Variants in FAT3 observed in about 807,000 individuals in gnomAD.
FAT3 encodes FAT atypical cadherin 3.
In FAT3, 95 loss-of-function variants were observed where a neutral mutation model predicts 310.2. That is an observed-to-expected ratio of 0.31 (90% CI 0.26 to 0.36). The LOEUF (loss-of-function observed/expected upper bound fraction) is 0.36. Among genes scored for constraint, FAT3 ranks in the 10% least tolerant of loss-of-function variants. The pLI is 1.00. For missense variants in FAT3, 5,408 were observed against 5,715.6 expected (o/e 0.95, Z 1.74); for synonymous variants, 2,314 against 2,192.9 (o/e 1.06, Z -1.54).
Position 92,893,705 on chromosome 11 carries a change from T to C in FAT3, c.*2592T>C, listed in dbSNP as rs528045298. On this transcript the variant is annotated 3_prime_UTR_variant, in exon 28 of 28. Transcript: ENST00000525166. The stretch of plus-strand genomic sequence containing the variant: ...CCCCTGATTTTCTGCAGAATAGCTC[T>C]GCAGCTAAATATATACCAGGCAAGC... 4 of 152,382 alleles carry C rather than the reference T, an allele frequency of 2.6e-5. No homozygotes were observed. The highest frequency in any genetic ancestry group is 7.2e-5 in the African/African-American group (3 of 41,602). The allele number at this position is 152,382 out of a possible 1,614,324, so 9.4% of individuals were successfully genotyped here.
Position 92,353,388 on chromosome 11 carries a change from T to G in FAT3, c.1276T>G (p.Ser426Ala). Residue 426 changes from serine (S) to alanine (A), a missense_variant, in exon 2 of 28, where the codon TCG (serine) becomes GCG (alanine). Ser to Ala is a moderately conservative substitution (Grantham distance 99, BLOSUM62 1). Coordinates refer to ENST00000525166, the MANE Select transcript of FAT3 (RefSeq NM_001367949.2). ...AGTGTACTTTAAAATTAATCCTCGG[T>G]CGGGTCTGATTGTTACAGCACGGCC... ...DAVYFKINPR[S>A]GLIVTARPLN... is the part of the protein sequence containing the mutation. 6.2e-7 allele frequency: 1 copy of G among 1,613,388 alleles called. No homozygotes were observed. The highest frequency in any genetic ancestry group is 8.5e-7 in the Non-Finnish European group (1 of 1,179,730).
At chr11:92,427,702 C>T (rs540485676) in intron 2 of FAT3, among the ~76,000 whole-genome samples, 6 of 152,170 alleles carry the variant, frequency 3.9e-5, no homozygotes, top group Non-Finnish European at 8.8e-5. Context: ...ACTAGCCTTG[C>T]ATCCCAGGGA....
chr11:92,345,428 G>C (rs529558201), intron 1 of FAT3, among the ~76,000 whole-genome samples: 1 of 152,178 alleles, frequency 6.6e-6, no homozygotes, highest in African/African-American at 2.4e-5. Flanking sequence ...ATTTAGAGCA[G>C]TGGTTCTCAA....
At position 92,800,117 on chromosome 11, in the gene FAT3, T is replaced by C. The variant is rs2136185110; in HGVS notation, c.7104T>C (p.Asp2368=). The part of the protein sequence containing the change: ...QHCTLKVRSI[D]SGFPSLSSEV... ...GCACTTTGAAAGTCAGATCAATAGA[T>C]AGTGGCTTCCCATCACTGAGCAGTG... is the stretch of plus-strand genomic sequence containing the variant. The change falls in exon 10 of 28, where the codon GAT becomes GAC. Residue 2368 remains aspartate (D), a synonymous_variant. Transcript: ENST00000525166. 3.7e-6 allele frequency: 6 copies of C among 1,613,958 alleles called. No individual in the cohort carries two copies. The East Asian group carries it at 8.9e-5, about 24-fold the overall frequency.
chr11:92,371,457 C>T (rs879385058), intron 2 of FAT3, among the ~76,000 whole-genome samples: 1 of 152,186 alleles, frequency 6.6e-6, no homozygotes, highest in Non-Finnish European at 1.5e-5. Flanking sequence ...TGGCTTATGC[C>T]TATAATCCCA....
chr11:92,766,369 G>A (rs1003166498), intron 6 of FAT3, among the ~76,000 whole-genome samples: 2 of 152,184 alleles, frequency 1.3e-5, no homozygotes, highest in Non-Finnish European at 1.5e-5. Context: ...CGGTCTGGGG[G>A]AATCATTTCC....
chr11:92,649,871 GTTCATATA>G lies in FAT3; in HGVS notation c.3608-47511_3608-47504del, dbSNP rs1322175087. 4.5e-3 allele frequency among the ~76,000 whole-genome samples: 512 copies of G among 114,070 alleles called. 11 individuals carry two copies. The highest frequency in any genetic ancestry group is 9.9e-3 in the African/African-American group (296 of 29,800). The allele number at this position is 114,070 out of a possible 152,430, so 74.8% of individuals were successfully genotyped here. A position where few individuals can be genotyped will look rare whatever the true frequency, so the allele number is the denominator to read the frequency against. ...CATTTGTTAAACACCCACTTTGTAT[GTTCATATA>G]TATATATATATATATATATATATAT... On this transcript the variant is annotated intron_variant, in intron 3 of 27. Transcript: ENST00000525166.
chr11:92,553,107 CAA>C (rs368433736), intron 3 of FAT3, among the ~76,000 whole-genome samples: 1 of 151,850 alleles, frequency 6.6e-6, no homozygotes, highest in Non-Finnish European at 1.5e-5. Context: ...ATTCCTAAGC[CAA>C]AAAAACAAAA....
chr11:92,560,191 G>T (rs953260262), intron 3 of FAT3, among the ~76,000 whole-genome samples: 2 of 152,064 alleles, frequency 1.3e-5, no homozygotes, highest in African/African-American at 4.8e-5. Context: ...ATTTACATTT[G>T]CCTAATGGCC....
In FAT3 at chr11:92,411,118, A is replaced by AT. The variant is rs1555037776; in HGVS notation, c.3292+55715dup. Among the ~76,000 whole-genome samples the AT allele has an allele frequency of 7.4e-4, 103 of 139,736 alleles. No homozygotes were observed. The East Asian group carries it at 0.013, about 18-fold the overall frequency. 91.7% of individuals were successfully genotyped at this position (139,736 alleles called of 152,430 possible). ...ATATATATTATATATAAAAATATATATATTTATATATTATATATTATATAT... is the reference window on the plus strand; with the variant it reads ...ATATATATTATATATAAAAATATATATTATTTATATATTATATATTATATAT... On this transcript the variant is annotated intron_variant, in intron 2 of 27. Transcript: ENST00000525166.
chr11:92,790,714 A>G (rs1174666969), intron 8 of FAT3, among the ~76,000 whole-genome samples: 2 of 152,188 alleles, frequency 1.3e-5, no homozygotes, highest in Admixed American at 1.3e-4. Context: ...ATCTCAATAC[A>G]TGCTCAAGCC....
At chr11:92,867,362 G>A (rs910334109) in intron 22 of FAT3, among the ~76,000 whole-genome samples, 153 bp downstream of exon 22, 3 of 152,220 alleles carry the variant, frequency 2.0e-5, no homozygotes, top group Non-Finnish European at 4.4e-5. Flanking sequence ...CTGCTTTAGG[G>A]AAGTCTCAGC....
At chr11:92,882,210 G>T (rs1474041808) in intron 23 of FAT3, among the ~76,000 whole-genome samples, 1 of 152,120 alleles carries the variant, frequency 6.6e-6, no homozygotes, top group Non-Finnish European at 1.5e-5. Context: ...CATTTAGTGT[G>T]AATATCCATA....
At chr11:92,573,079 A>G (rs755385467) in intron 3 of FAT3, among the ~76,000 whole-genome samples, 2 of 152,190 alleles carry the variant, frequency 1.3e-5, no homozygotes, top group Non-Finnish European at 2.9e-5. Flanking sequence ...TGCAACTTCA[A>G]CTGTGTTAAT....
chr11:92,356,628 T>C (rs987276741), intron 2 of FAT3, among the ~76,000 whole-genome samples: 2 of 152,120 alleles, frequency 1.3e-5, no homozygotes, highest in African/African-American at 4.8e-5. Flanking sequence ...ACTAATGCCA[T>C]CATTAAGGCT....
At chr11:92,391,414 G>A (rs1949746145) in intron 2 of FAT3, among the ~76,000 whole-genome samples, 1 of 152,090 alleles carries the variant, frequency 6.6e-6, no homozygotes, top group Non-Finnish European at 1.5e-5. Context: ...TACCTCTCTG[G>A]GAAGCAAAAT....
chr11:92,296,911 T>C (rs1237468722), intron 1 of FAT3, among the ~76,000 whole-genome samples: 1 of 152,128 alleles, frequency 6.6e-6, no homozygotes, highest in African/African-American at 2.4e-5. Context: ...AACAACATAG[T>C]GATCCAGAAC....
At chr11:92,840,451 G>T (rs1249574885) in intron 17 of FAT3, 111 bp from the exon 18 acceptor site, 3 of 1,030,164 alleles carry the variant, frequency 2.9e-6, no homozygotes, top group African/African-American at 3.2e-5. Context: ...TTCTAGCTCA[G>T]CACTCTCAGC....
intron 2 of FAT3, among the ~76,000 whole-genome samples, chr11:92,398,282 C>A (rs1327570755): frequency 1.3e-5 from 2 of 151,986 alleles, no homozygotes; most frequent in Non-Finnish European, 2.9e-5. Flanking sequence ...GGGTGGATCA[C>A]CTGAGGTCAG....
Sources: allele counts gnomAD v4.1 joint callset (sites outside exome capture counted in the v4.1 genomes callset), GRCh38; gene constraint gnomAD v4.1.1; transcripts MANE v1.5; gene names NCBI Gene and HGNC (gene_info 2026-07-23, HGNC 2026-07-21).